Variants in HGS observed in about 807,000 individuals in gnomAD.
HGS encodes the protein hepatocyte growth factor-regulated tyrosine kinase substrate.
HGS carries 63 observed loss-of-function variants against 109.7 expected under a neutral mutation model. The ratio of observed to expected loss-of-function variants is 0.57; its 90% CI spans 0.47 to 0.71. The LOEUF (loss-of-function observed/expected upper bound fraction) is 0.71. Among genes scored for constraint, HGS ranks in the 30% least tolerant of loss-of-function variants. The pLI is 0.00. For missense variants in HGS, 995 were observed against 1,068.3 expected, an observed-to-expected ratio of 0.93 and a Z score of 0.96; for synonymous variants, 546 against 437.3, an observed-to-expected ratio of 1.25 and a Z score of -3.10.
At chr17:81,697,976 C>T (rs2037181034) in intron 18 of HGS, 1 of 151,992 alleles carries the variant, frequency 6.6e-6, no homozygotes, top group Admixed American at 6.6e-5. Context: ...GTAGCTGGGA[C>T]TACAGGATTG....
At position 81,695,889 on chromosome 17, in the gene HGS, T is replaced by C; in HGVS notation, c.1283T>C (p.Met428Thr). Residue 428 changes from methionine to threonine, a missense_variant, in exon 15 of 22, where the codon ATG (methionine) becomes ACG (threonine). By Grantham distance (81) the Met-to-Thr change is moderately conservative. Transcript: ENST00000329138. ...GTGAACCGCATGAAGAGTAACCACA[T>C]GCGGGGCCGCAGCATCACCAATGAC... is the stretch of plus-strand genomic sequence containing the variant. ...TFVNRMKSNH[M>T]RGRSITNDSA... is the part of the protein sequence containing the mutation. 1.9e-6 allele frequency: 3 copies of C among 1,612,790 alleles called. No individual in the cohort carries two copies. The highest frequency in any genetic ancestry group is 1.1e-5 in the South Asian group (1 of 91,044).
At chr17:81,687,127 C>T (rs774806920) in intron 4 of HGS, 32 bp downstream of exon 4, 2 of 1,499,320 alleles carry the variant, frequency 1.3e-6, no homozygotes, top group South Asian at 2.3e-5. Context: ...GGGTGGCCAC[C>T]CAGGCTGGCA....
At chr17:81,696,175 GCCC>G (rs1568217587) in intron 15 of HGS, 176 bp downstream of exon 15, 16 of 847,084 alleles carry the variant, frequency 1.9e-5, no homozygotes, top group Non-Finnish European at 2.8e-5. Flanking sequence ...GCCCTGCCCT[GCCC>G]TGCCCTGCCC....
intron 18 of HGS, among the ~76,000 whole-genome samples, chr17:81,699,258 A>C (rs1203705459): frequency 6.6e-6 from 1 of 152,200 alleles, no homozygotes; most frequent in African/African-American, 2.4e-5. Context: ...ATTTGTCTGT[A>C]GTTCTTGTCA....
At position 81,696,012 on chromosome 17, in the gene HGS, G is replaced by A. The variant is rs374773723; in HGVS notation, c.1393+13G>A. 19 of 1,535,978 alleles carry A rather than the reference G, an allele frequency of 1.2e-5. No individual in the cohort carries two copies. The highest frequency in any genetic ancestry group is 1.9e-5 in the Admixed American group (1 of 52,016). ...GACGAGCGCAGGCGTAGGTGCCCGC[G>A]CCACGGGGCCTCGGCTCAGGGGCAG... On this transcript the variant is annotated intron_variant, in intron 15 of 21. Coordinates refer to ENST00000329138, the MANE Select transcript of HGS (RefSeq NM_004712.5).
Position 81,693,866 on chromosome 17 carries a change from T to G in HGS, c.841-4T>G, listed in dbSNP as rs1341125612. The G allele has an allele frequency of 6.2e-7, 1 of 1,604,820 alleles. No homozygotes were observed. Among genetic ancestry groups the G allele is most frequent in the African/African-American group, 1.3e-5 (1 of 74,630 alleles). On this transcript the variant is annotated splice_polypyrimidine_tract_variant and splice_region_variant and intron_variant, in intron 10 of 21. Transcript: ENST00000329138. ...AAGTGACGCCCCTTCTGATTCTGCC[T>G]CAGAGACAGAAGTCCACGTACACTT...
Position 81,696,992 on chromosome 17 carries a change from G to A in HGS, c.1876G>A (p.Ala626Thr). 2 of 1,586,500 alleles carry A rather than the reference G, an allele frequency of 1.3e-6. No individual in the cohort carries two copies. Among genetic ancestry groups the A allele is most frequent in the African/African-American group, 1.3e-5 (1 of 74,148 alleles). Reference protein sequence around the residue: ...AGPYPSMPSTAADPSMVSAYM... With the variant: ...AGPYPSMPSTTADPSMVSAYM... The stretch of plus-strand genomic sequence containing the variant: ...CCCCTACCCCAGCATGCCCAGCACT[G>A]CGGCTGGTAAGGACGGGTCGGGGCA... Residue 626 changes from alanine to threonine, a missense_variant, in exon 18 of 22, where the codon GCG (alanine) becomes ACG (threonine). Transcript: ENST00000329138.
chr17:81,701,664 T>C lies in HGS; in HGVS notation c.*46T>C. ...GGAGTAACACTACATACAGTTCACC[T>C]GAAACGCCTCGTCTCTAACTGCCGT... is the stretch of plus-strand genomic sequence containing the variant. On this transcript the variant is annotated 3_prime_UTR_variant, in exon 22 of 22. Transcript: ENST00000329138. 6.6e-7 allele frequency: 1 copy of C among 1,514,338 alleles called. No individual in the cohort carries two copies. The highest frequency in any genetic ancestry group is 8.9e-7 in the Non-Finnish European group (1 of 1,128,852). 93.8% of individuals were successfully genotyped at this position (1,514,338 alleles called of 1,614,324 possible).
Position 81,691,944 on chromosome 17 carries a change from G to C in HGS, c.662+373G>C, listed in dbSNP as rs2037069847. The C allele has an allele frequency of 5.2e-6, 1 of 193,862 alleles. No individual in the cohort carries two copies. Among genetic ancestry groups the C allele is most frequent in the Non-Finnish European group, 1.1e-5 (1 of 93,024 alleles). 12.0% of individuals were successfully genotyped at this position (193,862 alleles called of 1,614,324 possible). On this transcript the variant is annotated intron_variant, in intron 8 of 21. Coordinates refer to ENST00000329138, the MANE Select transcript of HGS (RefSeq NM_004712.5). The surrounding 1 kb of genome is among the most constrained non-coding windows in gnomAD (Gnocchi z 5.3). ...TGCCTCAGCGGTGGGAACCTGCGGG[G>C]CCGCGGCCGGTGCCTCGGCGGTCGG...
intron 1 of HGS, 131 bp downstream of exon 1, chr17:81,684,234 C>A: frequency 1.1e-6 from 1 of 873,488 alleles, no homozygotes; most frequent in Non-Finnish European, 1.6e-6. Flanking sequence ...GGCCCGCTGT[C>A]CTCCCGGGTT....
In HGS at chr17:81,701,706, C is replaced by T. The variant is rs1731570496; in HGVS notation, c.*88C>T. 2 of 1,483,682 alleles carry T rather than the reference C, an allele frequency of 1.3e-6. No individual in the cohort carries two copies. The highest frequency in any genetic ancestry group is 1.8e-6 in the Non-Finnish European group (2 of 1,112,756). 91.9% of individuals were successfully genotyped at this position (1,483,682 alleles called of 1,614,324 possible). ...AACTGCCGTCGTCCTGCCTCCCTGT[C>T]CTCTACTGCCGGTAGTGTCCCTTCT... On this transcript the variant is annotated 3_prime_UTR_variant, in exon 22 of 22. Transcript: ENST00000329138.
Position 81,693,657 on chromosome 17 carries a change from C to A in HGS, c.745C>A (p.Pro249Thr), listed in dbSNP as rs373251558. 9.7e-6 allele frequency: 15 copies of A among 1,547,440 alleles called. No homozygotes were observed. The highest frequency in any genetic ancestry group is 8.3e-5 in the South Asian group (7 of 84,364). Residue 249 changes from proline (P) to threonine (T), a missense_variant, in exon 10 of 22, where the codon CCC becomes ACC. By Grantham distance (38) the Pro-to-Thr change is conservative. Coordinates refer to ENST00000329138, the MANE Select transcript of HGS (RefSeq NM_004712.5). ...TSPLSQQSQL[P>T]PKRDETALQE... is the part of the protein sequence containing the mutation. ...CACCCTCCCCGCTTGTCCTCAGCTG[C>A]CCCCCAAGAGGGACGAGACGGCCCT...
At position 81,693,941 on chromosome 17, in the gene HGS, C is replaced by T; in HGVS notation, c.912C>T (p.Ala304=). 1.2e-6 allele frequency: 2 copies of T among 1,611,350 alleles called. No homozygotes were observed. The highest frequency in any genetic ancestry group is 4.5e-5 in the East Asian group (2 of 44,886). The part of the protein sequence containing the change: ...PMPSASSAPP[A]SSLYSSPVNS... ...CCTCGGCCTCCTCAGCGCCCCCCGCCAGCAGCCTGTACTCTTCACCTGTGG... is the reference window on the plus strand; with the variant it reads ...CCTCGGCCTCCTCAGCGCCCCCCGCTAGCAGCCTGTACTCTTCACCTGTGG... The change falls in exon 11 of 22, where the codon GCC becomes GCT. Residue 304 remains alanine (A), a synonymous_variant. Coordinates refer to ENST00000329138, the MANE Select transcript of HGS (RefSeq NM_004712.5).
rs750950909 is a variant in HGS, at chr17:81,690,662, G to C, written c.469-12G>C. On this transcript the variant is annotated splice_polypyrimidine_tract_variant and intron_variant, in intron 6 of 21. Coordinates refer to ENST00000329138, the MANE Select transcript of HGS (RefSeq NM_004712.5). ...CGGGAAGCGTGTGGTCCTGACTGCTGCCCCTCCTCAGGCCCCAGACTGGGT... is the reference window on the plus strand; with the variant it reads ...CGGGAAGCGTGTGGTCCTGACTGCTCCCCCTCCTCAGGCCCCAGACTGGGT... 2 of 1,610,468 alleles carry C rather than the reference G, an allele frequency of 1.2e-6. No homozygotes were observed. Among genetic ancestry groups the C allele is most frequent in the Middle Eastern group, 1.7e-4 (1 of 5,806 alleles).
In HGS at chr17:81,691,208, TC is replaced by T; in HGVS notation, c.538-237del. 1 of 543,342 alleles carries T rather than the reference TC, an allele frequency of 1.8e-6. No individual in the cohort carries two copies. The highest frequency in any genetic ancestry group is 3.1e-5 in the East Asian group (1 of 31,752). 33.7% of individuals were successfully genotyped at this position (543,342 alleles called of 1,614,324 possible). On this transcript the variant is annotated intron_variant, in intron 7 of 21. Transcript: ENST00000329138. This position sits in a 1 kb window ranked among gnomAD's most constrained non-coding sequence, Gnocchi z 5.3. The stretch of plus-strand genomic sequence containing the variant: ...ATCAGCAGAATTGATGTGTATTTTT[TC>T]CTTGCCCTTACTTTTAACTTACCTT...
At position 81,695,169 on chromosome 17, in the gene HGS, C is replaced by G; in HGVS notation, c.1125C>G (p.Pro375=). Residue 375 remains proline (P), a synonymous_variant, in exon 14 of 22, where the codon CCC becomes CCG. Coordinates refer to ENST00000329138, the MANE Select transcript of HGS (RefSeq NM_004712.5). The part of the protein sequence containing the change: ...HAAPTNVVEN[P]LPETDSQPIP... ...ACTCATTCTCTCTCTTCCAGAACCCCCTCCCGGAGACAGACTCTCAGCCCA... is the reference window on the plus strand; with the variant it reads ...ACTCATTCTCTCTCTTCCAGAACCCGCTCCCGGAGACAGACTCTCAGCCCA... 6.2e-7 allele frequency: 1 copy of G among 1,614,206 alleles called. No individual in the cohort carries two copies. The highest frequency in any genetic ancestry group is 8.5e-7 in the Non-Finnish European group (1 of 1,180,004).
At chr17:81,685,313 G>T (rs550622357) in intron 1 of HGS, among the ~76,000 whole-genome samples, 1 of 152,320 alleles carries the variant, frequency 6.6e-6, no homozygotes, top group South Asian at 2.1e-4. Flanking sequence ...GGTGAGCTGT[G>T]TGACTCACGG....
chr17:81,691,175 CT>C lies in HGS; in HGVS notation c.538-270del. On this transcript the variant is annotated intron_variant, in intron 7 of 21. Transcript: ENST00000329138. This position sits in a 1 kb window ranked among gnomAD's most constrained non-coding sequence, Gnocchi z 5.3. ...AGCACCCACTGCACTCACAAAAGCTCTTGTTTTATCAGCAGAATTGATGTGT... is the reference window on the plus strand; with the variant it reads ...AGCACCCACTGCACTCACAAAAGCTCTGTTTTATCAGCAGAATTGATGTGT... 2.0e-6 allele frequency: 1 copy of C among 488,782 alleles called. No individual in the cohort carries two copies. 30.3% of individuals were successfully genotyped at this position (488,782 alleles called of 1,614,324 possible).
In HGS at chr17:81,696,017, G is replaced by A. The variant is rs747658956; in HGVS notation, c.1393+18G>A. ...GCGCAGGCGTAGGTGCCCGCGCCAC[G>A]GGGCCTCGGCTCAGGGGCAGCCAGG... On this transcript the variant is annotated intron_variant, in intron 15 of 21. Transcript: ENST00000329138. 5.2e-6 allele frequency: 8 copies of A among 1,532,694 alleles called. No individual in the cohort carries two copies. The East Asian group carries it at 6.8e-5, about 13-fold the overall frequency. 94.9% of individuals were successfully genotyped at this position (1,532,694 alleles called of 1,614,324 possible).
Sources: gnomAD v4.1 joint callset for allele counts (sites outside exome capture counted in the v4.1 genomes callset) on GRCh38, gnomAD v4.1.1 for gene constraint, Gnocchi (gnomAD v3.1) non-coding constraint, MANE v1.5 for transcripts, NCBI Gene and HGNC (gene_info 2026-07-23, HGNC 2026-07-21) for gene names.